Variants in IGSF5 observed in about 807,000 individuals in gnomAD.
IGSF5 encodes immunoglobulin superfamily member 5.
Under a neutral mutation model 39.4 loss-of-function variants are expected in IGSF5, and 41 were observed. The observed-to-expected ratio is 1.04, with a 90% confidence interval of 0.81 to 1.35. IGSF5 has a LOEUF of 1.35. IGSF5 is among the 40% of genes most tolerant of loss of function. The pLI, the probability that IGSF5 is intolerant of heterozygous loss-of-function variation, is 0.00. For missense variants in IGSF5, 487 were observed against 494.6 expected, an observed-to-expected ratio of 0.98 and a Z score of 0.15; for synonymous variants, 183 against 175.3, an observed-to-expected ratio of 1.04 and a Z score of -0.34.
At chr21:39,800,697 G>T (rs2087023828) in intron 8 of IGSF5, among the ~76,000 whole-genome samples, 1 of 152,206 alleles carries the variant, frequency 6.6e-6, no homozygotes, top group Non-Finnish European at 1.5e-5. Context: ...CTCAGGACTG[G>T]CAGGAAAAAA....
chr21:39,748,301 C>CTTTTTTTTTTTTTTTTTTTTTTTTTTTTT (rs60669244), intron 2 of IGSF5, among the ~76,000 whole-genome samples: 1 of 58,216 alleles, frequency 1.7e-5, no homozygotes, highest in Non-Finnish European at 3.0e-5. Context: ...AAAACAAGAT[C>CTTTTTTTTTTTTTTTTTTTTTTTTTTTTT]TTTTTTTTTT....
chr21:39,801,487 A>T lies in IGSF5; in HGVS notation c.*130A>T. 1 of 597,982 alleles carries T rather than the reference A, an allele frequency of 1.7e-6. No homozygotes were observed. Among genetic ancestry groups the T allele is most frequent in the Non-Finnish European group, 3.0e-6 (1 of 338,334 alleles). 37.0% of individuals were successfully genotyped at this position (597,982 alleles called of 1,614,324 possible). A position where few individuals can be genotyped will look rare whatever the true frequency, so the allele number is the denominator to read the frequency against. On this transcript the variant is annotated 3_prime_UTR_variant, in exon 9 of 9. Coordinates refer to ENST00000380588, the MANE Select transcript of IGSF5 (RefSeq NM_001080444.2). ...TACCTGAAGAGGAGATGTCGGAGTC[A>T]TCAGAACTGATACTTGACAGTGAGA... is the stretch of plus-strand genomic sequence containing the variant.
chr21:39,734,967 G>A, the IGSF5 span, among the ~76,000 whole-genome samples: 9 of 151,940 alleles, frequency 5.9e-5, no homozygotes, highest in Admixed American at 2.6e-4. Flanking sequence ...GGGTTCAAGC[G>A]ATTCTCCTGC....
chr21:39,717,268 A>T, the IGSF5 span, among the ~76,000 whole-genome samples: 2 of 152,298 alleles, frequency 1.3e-5, no homozygotes, highest in East Asian at 3.9e-4. Flanking sequence ...ATAGTTTGCA[A>T]ATAGTTTTTC....
the IGSF5 span, among the ~76,000 whole-genome samples, chr21:39,738,196 G>A: frequency 6.6e-6 from 1 of 152,156 alleles, no homozygotes; most frequent in Non-Finnish European, 1.5e-5. The surrounding 1 kb of genome is among the most constrained non-coding windows in gnomAD (Gnocchi z 6.4). Context: ...GTTCCAGGGG[G>A]CTGGGGAGGC....
At chr21:39,744,117 T>A (rs1371526135), upstream of IGSF5, among the ~76,000 whole-genome samples, 1 of 152,134 alleles carries the variant, frequency 6.6e-6, no homozygotes, top group East Asian at 1.9e-4. Flanking sequence ...TCGGATTAGT[T>A]ACACTCACCG....
chr21:39,796,730 C>A (rs544547898), intron 8 of IGSF5, among the ~76,000 whole-genome samples: 1 of 152,206 alleles, frequency 6.6e-6, no homozygotes, highest in African/African-American at 2.4e-5. Flanking sequence ...TTTGCAGAAA[C>A]CCCGCATGAA....
chr21:39,772,357 C>T (rs2080119473), intron 4 of IGSF5, among the ~76,000 whole-genome samples: 1 of 152,122 alleles, frequency 6.6e-6, no homozygotes, highest in Non-Finnish European at 1.5e-5. Context: ...GGCAACTCTG[C>T]CCACCGTGTG....
At chr21:39,786,939 C>A (rs2146291222) in intron 5 of IGSF5, among the ~76,000 whole-genome samples, 1 of 151,674 alleles carries the variant, frequency 6.6e-6, no homozygotes, top group South Asian at 2.1e-4. Flanking sequence ...AGGGGAACAT[C>A]ATACTCTGGG....
At chr21:39,743,994 GGGATGCCA>G (rs1482417358), upstream of IGSF5, among the ~76,000 whole-genome samples, 3 of 152,096 alleles carry the variant, frequency 2.0e-5, no homozygotes, top group African/African-American at 7.2e-5. Context: ...AAGGAACATA[GGGATGCCA>G]GCATCCCTAG....
chr21:39,766,717 TAC>T (rs1284012913), intron 3 of IGSF5, among the ~76,000 whole-genome samples: 2 of 152,246 alleles, frequency 1.3e-5, no homozygotes, highest in Non-Finnish European at 2.9e-5. Context: ...GGAATAGTCT[TAC>T]CAAAATTTAA....
At chr21:39,757,185 A>G (rs990187380) in intron 2 of IGSF5, among the ~76,000 whole-genome samples, 79 of 152,110 alleles carry the variant, frequency 5.2e-4, no homozygotes, top group African/African-American at 1.8e-3. Flanking sequence ...CCCTGTTTGA[A>G]GTGGTAGCTG....
At chr21:39,790,405 G>T (rs1756863328) in intron 6 of IGSF5, among the ~76,000 whole-genome samples, 1 of 152,136 alleles carries the variant, frequency 6.6e-6, no homozygotes, top group Admixed American at 6.5e-5. Flanking sequence ...CACTCCTGTA[G>T]TCCCAGCGCT....
chr21:39,792,209 A>G, intron 7 of IGSF5, 110 bp downstream of exon 7: 2 of 645,804 alleles, frequency 3.1e-6, no homozygotes, highest in East Asian at 2.8e-5. Context: ...AATGGTGGTT[A>G]TTATTTTTTG....
chr21:39,737,407 C>G, the IGSF5 span, among the ~76,000 whole-genome samples: 1 of 152,096 alleles, frequency 6.6e-6, no homozygotes, highest in Non-Finnish European at 1.5e-5. Context: ...AGCTCAGATC[C>G]CACAGGGCGA....
the IGSF5 span, among the ~76,000 whole-genome samples, chr21:39,723,635 C>G: frequency 6.6e-6 from 1 of 152,176 alleles, no homozygotes; most frequent in Non-Finnish European, 1.5e-5. Context: ...CCTGACCTCA[C>G]TGAGACCTGA....
the IGSF5 span, among the ~76,000 whole-genome samples, chr21:39,719,055 T>C: frequency 2.0e-5 from 3 of 152,224 alleles, no homozygotes; most frequent in Non-Finnish European, 2.9e-5. Context: ...CCGGAATCCA[T>C]TTCTTCCTGG....
At chr21:39,763,390 C>G (rs1326397935) in intron 2 of IGSF5, among the ~76,000 whole-genome samples, 1 of 152,180 alleles carries the variant, frequency 6.6e-6, no homozygotes, top group Non-Finnish European at 1.5e-5. Flanking sequence ...CCTCCTGTTT[C>G]ATCTGAAAGT....
intron 3 of IGSF5, among the ~76,000 whole-genome samples, chr21:39,767,822 A>G (rs963263464): frequency 3.3e-5 from 5 of 152,296 alleles, no homozygotes; most frequent in Admixed American, 3.3e-4. Flanking sequence ...GACAGAGTCA[A>G]TAAAGCCTTC....
Sources: gnomAD v4.1 joint callset for allele counts (sites outside exome capture counted in the v4.1 genomes callset) on GRCh38, gnomAD v4.1.1 for gene constraint, Gnocchi (gnomAD v3.1) non-coding constraint, MANE v1.5 for transcripts, NCBI Gene and HGNC (gene_info 2026-07-23, HGNC 2026-07-21) for gene names.